The following XKR6 variants were observed in gnomAD, a reference collection of about 807,000 sequenced individuals.
XKR6 encodes the protein XK-related protein 6.
XKR6 carries 22 observed loss-of-function variants against 56.7 expected under a neutral mutation model. The observed-to-expected ratio is 0.39, with a 90% confidence interval of 0.28 to 0.55. The LOEUF (loss-of-function observed/expected upper bound fraction) is 0.55. Among genes scored for constraint, XKR6 ranks in the 20% least tolerant of loss-of-function variants. The pLI, the probability that XKR6 is intolerant of heterozygous loss-of-function variation, is 0.66. For missense variants in XKR6, 852 were observed against 889.0 expected (o/e 0.96, Z 0.53); for synonymous variants, 524 against 387.8 (o/e 1.35, Z -4.13).
chr8:10,957,012 G>A (rs1386047070), intron 1 of XKR6, among the ~76,000 whole-genome samples: 1 of 152,148 alleles, frequency 6.6e-6, no homozygotes, highest in Non-Finnish European at 1.5e-5. Flanking sequence ...GTGCAGTGGT[G>A]TGATCTTGGA....
intron 1 of XKR6, among the ~76,000 whole-genome samples, chr8:11,190,241 A>G (rs577431933): frequency 2.6e-5 from 4 of 150,966 alleles, no homozygotes; most frequent in African/African-American, 9.7e-5. Flanking sequence ...GAAAAAAGAA[A>G]AAAGAAAAGA....
intron 1 of XKR6, among the ~76,000 whole-genome samples, chr8:11,005,367 G>GAT (rs201480594): frequency 0.04 from 5,611 of 140,314 alleles, 281 homozygotes; most frequent in African/African-American, 0.14. Context: ...AGTAGATATA[G>GAT]ATATATATAT....
intron 1 of XKR6, among the ~76,000 whole-genome samples, chr8:10,955,566 A>G (rs1563310159): frequency 6.6e-6 from 1 of 152,190 alleles, no homozygotes. Flanking sequence ...TAACTCATGT[A>G]ACATTATTCT....
intron 1 of XKR6, among the ~76,000 whole-genome samples, chr8:11,189,054 T>C (rs1461163414): frequency 6.6e-6 from 1 of 152,206 alleles, no homozygotes; most frequent in East Asian, 1.9e-4. Flanking sequence ...AAGCAAAATG[T>C]AGGTAGGCCA....
At chr8:11,114,724 C>CAT (rs375492966) in intron 1 of XKR6, among the ~76,000 whole-genome samples, 44,557 of 121,808 alleles carry the variant, frequency 0.37, 8,304 homozygotes, top group Middle Eastern at 0.46. Flanking sequence ...ACTTAGATCA[C>CAT]ATATGTGTGT....
intron 1 of XKR6, among the ~76,000 whole-genome samples, chr8:11,114,813 G>A (rs1002032947): frequency 4.0e-5 from 6 of 149,644 alleles, no homozygotes; most frequent in Non-Finnish European, 7.4e-5. Flanking sequence ...ATGCTAAACC[G>A]TAACAATAGC....
chr8:11,155,703 AG>A (rs1452591453), intron 1 of XKR6, among the ~76,000 whole-genome samples: 4 of 152,200 alleles, frequency 2.6e-5, no homozygotes, highest in Admixed American at 2.0e-4. Flanking sequence ...CTGGCACTAC[AG>A]AAGTCTCAAT....
intron 1 of XKR6, among the ~76,000 whole-genome samples, chr8:11,181,844 C>T (rs1422418947): frequency 1.3e-5 from 2 of 152,156 alleles, no homozygotes; most frequent in East Asian, 1.9e-4. Context: ...TTCCACAAAG[C>T]TGTTCCTGAT....
At chr8:11,073,513 C>T (rs1157611827) in intron 1 of XKR6, among the ~76,000 whole-genome samples, 2 of 152,212 alleles carry the variant, frequency 1.3e-5, no homozygotes, top group African/African-American at 4.8e-5. Flanking sequence ...CTGGTAATAA[C>T]ATTCCCTGTT....
chr8:11,097,062 G>C (rs1468747386), intron 1 of XKR6, among the ~76,000 whole-genome samples: 1 of 152,184 alleles, frequency 6.6e-6, no homozygotes, highest in Non-Finnish European at 1.5e-5. Context: ...AGGTTGCCTA[G>C]AGTCAAGTTA....
At chr8:10,961,293 T>C (rs901699029) in intron 1 of XKR6, among the ~76,000 whole-genome samples, 3 of 152,180 alleles carry the variant, frequency 2.0e-5, no homozygotes, top group African/African-American at 7.2e-5. Flanking sequence ...CTGGAGGCCA[T>C]GTGGCAGCCA....
At chr8:11,049,331 A>T (rs34440473) in intron 1 of XKR6, among the ~76,000 whole-genome samples, 54,783 of 152,124 alleles carry the variant, frequency 0.36, 12,031 homozygotes, top group East Asian at 0.79. Context: ...TTCTCAGGAC[A>T]TGACCCGGCA....
intron 1 of XKR6, among the ~76,000 whole-genome samples, chr8:11,023,871 C>T (rs1352446887): frequency 6.6e-6 from 1 of 152,176 alleles, no homozygotes; most frequent in Admixed American, 6.5e-5. Flanking sequence ...CCTTCTCCAG[C>T]TAGGTGGATT....
chr8:11,178,564 A>ATG (rs1802791665), intron 1 of XKR6, among the ~76,000 whole-genome samples: 3 of 141,084 alleles, frequency 2.1e-5, no homozygotes, highest in Non-Finnish European at 3.0e-5. Context: ...ATATATATAT[A>ATG]TATATATATG....
At chr8:11,125,192 C>G (rs966640032) in intron 1 of XKR6, among the ~76,000 whole-genome samples, 2 of 152,006 alleles carry the variant, frequency 1.3e-5, no homozygotes, top group African/African-American at 4.8e-5. Flanking sequence ...GGTCACATGC[C>G]CATGACTCTG....
intron 1 of XKR6, among the ~76,000 whole-genome samples, chr8:10,975,818 G>C (rs781183971): frequency 3.3e-5 from 5 of 152,178 alleles, no homozygotes; most frequent in Non-Finnish European, 5.9e-5. Context: ...CTTGGGTTCA[G>C]ATTCTGCTCT....
chr8:10,906,554 C>T (rs951409725), intron 2 of XKR6, among the ~76,000 whole-genome samples: 5 of 152,330 alleles, frequency 3.3e-5, no homozygotes, highest in Admixed American at 6.5e-5. Context: ...AAAGTAATTG[C>T]GGTTTTGCCA....
At chr8:11,054,837 G>T (rs1397694005) in intron 1 of XKR6, among the ~76,000 whole-genome samples, 1 of 152,160 alleles carries the variant, frequency 6.6e-6, no homozygotes, top group Admixed American at 6.5e-5. Context: ...GGAGGAGGAG[G>T]GCCAGCCCAC....
chr8:10,940,393 A>G (rs569988497), intron 1 of XKR6, among the ~76,000 whole-genome samples: 152 of 152,292 alleles, frequency 1.0e-3, no homozygotes, highest in African/African-American at 3.5e-3. Flanking sequence ...GACAACCTAC[A>G]GCATTCCCTC....
Sources: allele counts gnomAD v4.1 joint callset (sites outside exome capture counted in the v4.1 genomes callset), GRCh38; gene constraint gnomAD v4.1.1; transcripts MANE v1.5; gene names NCBI Gene and HGNC (gene_info 2026-07-23, HGNC 2026-07-21).